Variants in SEMA6A observed in about 807,000 individuals in gnomAD.
SEMA6A encodes the protein semaphorin 6A, also known as semaphorin-6A.
Under a neutral mutation model 96.8 loss-of-function variants are expected in SEMA6A, and 25 were observed. The ratio of observed to expected loss-of-function variants is 0.26; its 90% CI spans 0.19 to 0.36. SEMA6A has a LOEUF of 0.36. Ranked by LOEUF, SEMA6A falls within the 10% of genes least tolerant of loss-of-function variation. The pLI is 1.00. For missense variants in SEMA6A, 1,363 were observed against 1,323.1 expected, an observed-to-expected ratio of 1.03 and a Z score of -0.47; for synonymous variants, 612 against 518.0, an observed-to-expected ratio of 1.18 and a Z score of -2.46.
At chr5:116,550,533 G>A (rs1760362028) in intron 1 of SEMA6A, 5 of 152,172 alleles carry the variant, frequency 3.3e-5, no homozygotes, top group Admixed American at 3.3e-4. Flanking sequence ...GCTTTTCTCA[G>A]AAATGTTGAT....
At chr5:116,573,095 G>A (rs950630378) in intron 1 of SEMA6A, among the ~76,000 whole-genome samples, 20 of 151,976 alleles carry the variant, frequency 1.3e-4, no homozygotes, top group African/African-American at 4.6e-4. Flanking sequence ...CCACAGCGAG[G>A]AGCTGAGCAA....
chr5:116,494,752 A>G (rs1026940301), intron 6 of SEMA6A, among the ~76,000 whole-genome samples: 1 of 152,224 alleles, frequency 6.6e-6, no homozygotes, highest in Non-Finnish European at 1.5e-5. Context: ...GCTGGCAGAA[A>G]GATGTACAAG....
intron 1 of SEMA6A, among the ~76,000 whole-genome samples, chr5:116,517,335 A>C (rs915484340): frequency 6.6e-6 from 1 of 152,180 alleles, no homozygotes; most frequent in African/African-American, 2.4e-5. Flanking sequence ...TTCGTTCCTA[A>C]AGAGATTAAA....
Position 116,478,755 on chromosome 5 carries a change from G to A in SEMA6A, c.1251-37C>T, listed in dbSNP as rs1756599888. The A allele has an allele frequency of 2.5e-6, 4 of 1,595,922 alleles. No homozygotes were observed. The South Asian group carries it at 4.6e-5, about 18-fold the overall frequency. On this transcript the variant is annotated intron_variant, in intron 12 of 18. Transcript: ENST00000343348. ...GGACCACATTTCTTATCTCTTTGTT[G>A]GTCTATCATTAAAGTGTTCCCTGTT...
At chr5:116,508,507 G>A (rs1295603765) in intron 1 of SEMA6A, among the ~76,000 whole-genome samples, 1 of 152,142 alleles carries the variant, frequency 6.6e-6, no homozygotes, top group African/African-American at 2.4e-5. Context: ...GCTCACCCCT[G>A]ACACTAGTTC....
At chr5:116,485,684 C>T (rs899594029) in intron 10 of SEMA6A, among the ~76,000 whole-genome samples, 1 of 152,130 alleles carries the variant, frequency 6.6e-6, no homozygotes, top group South Asian at 2.1e-4. Context: ...TTTAGGCACT[C>T]ATCAAGTTCT....
intron 1 of SEMA6A, among the ~76,000 whole-genome samples, chr5:116,543,793 A>G (rs1435922404): frequency 1.3e-5 from 2 of 152,212 alleles, no homozygotes; most frequent in African/African-American, 4.8e-5. Context: ...GTGTTTGGAT[A>G]ATGTGGTCAA....
chr5:116,478,388 A>T (rs1050179539), intron 13 of SEMA6A, 154 bp downstream of exon 13: 18 of 886,304 alleles, frequency 2.0e-5, no homozygotes, highest in Non-Finnish European at 1.7e-6. Context: ...GCAAGGAGAA[A>T]ATAATGCTTT....
intron 3 of SEMA6A, chr5:116,498,684 AC>A (rs933159931): frequency 6.6e-6 from 1 of 152,042 alleles, no homozygotes; most frequent in African/African-American, 2.4e-5. Context: ...TGCCAGAATC[AC>A]CCTGCCCTTT....
chr5:116,475,574 C>T lies in SEMA6A; in HGVS notation c.1679G>A (p.Gly560Asp), dbSNP rs1388941321. ...RLTFEQDIER[G>D]NTDGLGDCHN... ...ACAGTCCCCCAGACCATCTGTATTGCCACGCTCTATGTCCTGCTCAAAAGT... is the reference window on the plus strand; with the variant it reads ...ACAGTCCCCCAGACCATCTGTATTGTCACGCTCTATGTCCTGCTCAAAAGT... The change falls in exon 16 of 19, where the codon GGC becomes GAC. Residue 560 changes from glycine to aspartate, a missense_variant. Transcript: ENST00000343348. 6.2e-7 allele frequency: 1 copy of T among 1,604,246 alleles called. No individual in the cohort carries two copies. The highest frequency in any genetic ancestry group is 8.5e-7 in the Non-Finnish European group (1 of 1,175,314).
intron 1 of SEMA6A, among the ~76,000 whole-genome samples, chr5:116,571,328 C>A (rs1464112371): frequency 6.6e-6 from 1 of 152,146 alleles, no homozygotes; most frequent in African/African-American, 2.4e-5. Flanking sequence ...TTAACATTTA[C>A]ATATGTGGAT....
chr5:116,551,974 G>T (rs1216431969), intron 1 of SEMA6A, among the ~76,000 whole-genome samples: 1 of 152,194 alleles, frequency 6.6e-6, no homozygotes, highest in Non-Finnish European at 1.5e-5. Context: ...CTGAGAACCA[G>T]TCACAGGATC....
intron 1 of SEMA6A, among the ~76,000 whole-genome samples, chr5:116,509,648 A>G (rs890512705): frequency 6.6e-5 from 10 of 151,928 alleles, no homozygotes; most frequent in Non-Finnish European, 1.2e-4. Context: ...AGGATGGTAC[A>G]GGGAGTGGCC....
chr5:116,456,676 G>C (rs761413700), intron 18 of SEMA6A, among the ~76,000 whole-genome samples: 1 of 152,186 alleles, frequency 6.6e-6, no homozygotes, highest in East Asian at 1.9e-4. Flanking sequence ...GTGGCCGTCA[G>C]ATAGTGGTTG....
At chr5:116,504,543 A>T (rs1758048364) in intron 2 of SEMA6A, among the ~76,000 whole-genome samples, 1 of 152,206 alleles carries the variant, frequency 6.6e-6, no homozygotes, top group Admixed American at 6.5e-5. Context: ...GATCATAGCG[A>T]TATTCTCCCA....
rs1271691268 is a variant in SEMA6A at position 116,574,785 on chromosome 5, T to A, written c.-639A>T. ...GCAGCCGAGTGCGCGGGGAGCGGAG[T>A]TGGCTGCAGCCTCACCCCGTGCCGC... On this transcript the variant is annotated 5_prime_UTR_variant, in exon 1 of 19. Transcript: ENST00000343348. The A allele has an allele frequency of 6.6e-6, 1 of 152,316 alleles. No individual in the cohort carries two copies. Among genetic ancestry groups the A allele is most frequent in the East Asian group, 1.9e-4 (1 of 5,192 alleles). 9.4% of individuals were successfully genotyped at this position (152,316 alleles called of 1,614,324 possible). A position where few individuals can be genotyped will look rare whatever the true frequency, so the allele number is the denominator to read the frequency against.
intron 1 of SEMA6A, among the ~76,000 whole-genome samples, chr5:116,571,346 G>A (rs1761204716): frequency 6.6e-6 from 1 of 152,128 alleles, no homozygotes; most frequent in Non-Finnish European, 1.5e-5. Context: ...GATTATATGC[G>A]TTATTGAAAA....
rs571092009 is a variant in SEMA6A at position 116,491,887 on chromosome 5, C to G, written c.445-57G>C. The G allele has an allele frequency of 1.8e-5, 25 of 1,387,994 alleles. No homozygotes were observed. The African/African-American group carries it at 3.6e-4, about 20-fold the overall frequency. The allele number at this position is 1,387,994 out of a possible 1,614,324, so 86.0% of individuals were successfully genotyped here. On this transcript the variant is annotated intron_variant, in intron 6 of 18. Transcript: ENST00000343348. ...AACAACCTTTTCTTTTGCCCTAAAC[C>G]CTCAGAAATAATTTCCAGGATGTGA...
chr5:116,459,520 C>T (rs1247297096), intron 18 of SEMA6A, among the ~76,000 whole-genome samples: 2 of 152,116 alleles, frequency 1.3e-5, no homozygotes, highest in Non-Finnish European at 2.9e-5. Flanking sequence ...CCATTCTAGT[C>T]GTCCATACAC....
Sources: gnomAD v4.1 joint callset for allele counts (sites outside exome capture counted in the v4.1 genomes callset) on GRCh38, gnomAD v4.1.1 for gene constraint, MANE v1.5 for transcripts, NCBI Gene and HGNC (gene_info 2026-07-23, HGNC 2026-07-21) for gene names.